The following ASAP1 variants were observed in gnomAD, a reference collection of about 807,000 sequenced individuals.
ASAP1 encodes the protein ArfGAP with SH3 domain, ankyrin repeat and PH domain 1, also known as arf-GAP with SH3 domain, ANK repeat and PH domain-containing protein 1.
ASAP1 carries 43 observed loss-of-function variants against 145.2 expected under a neutral mutation model. That is an observed-to-expected ratio of 0.30 (90% CI 0.23 to 0.38). The LOEUF (loss-of-function observed/expected upper bound fraction) is 0.38. Ranked by LOEUF, ASAP1 falls within the 10% of genes least tolerant of loss-of-function variation. The pLI, the probability that ASAP1 is intolerant of heterozygous loss-of-function variation, is 1.00. For missense variants in ASAP1, 1,018 were observed against 1,355.3 expected, an observed-to-expected ratio of 0.75 and a Z score of 3.91; for synonymous variants, 546 against 515.5, an observed-to-expected ratio of 1.06 and a Z score of -0.80.
At position 130,293,407 on chromosome 8, in the gene ASAP1, A is replaced by G. The variant is rs148482521; in HGVS notation, c.187-56413T>C. On this transcript the variant is annotated intron_variant, in intron 3 of 29. Coordinates refer to ENST00000518721, the MANE Select transcript of ASAP1 (RefSeq NM_018482.4). Reference sequence around the variant, plus strand: ...GCATTTTAATTTCTGGCTCTTTTCTAACTTCCAACATCCATCGCTCATGCC... The same window carrying G: ...GCATTTTAATTTCTGGCTCTTTTCTGACTTCCAACATCCATCGCTCATGCC... Among the ~76,000 whole-genome samples the G allele has an allele frequency of 4.9e-3, 752 of 152,292 alleles. 4 individuals carry two copies. The highest frequency in any genetic ancestry group is 0.012 in the South Asian group (60 of 4,830).
rs1416900223 is a variant in ASAP1, at chr8:130,227,577, A to T, written c.259+9345T>A. Among the ~76,000 whole-genome samples, 4 of 151,952 alleles carry T rather than the reference A, an allele frequency of 2.6e-5. No homozygotes were observed. The East Asian group carries it at 5.8e-4, about 22-fold the overall frequency. ...ACCTGGACTCTCCAAACTATTTTTA[A>T]TCATCAATCCGTGTCAGTAAAACAT... On this transcript the variant is annotated intron_variant, in intron 4 of 29. Transcript: ENST00000518721.
chr8:130,276,718 A>ACTCTCTCTCT (rs1820909354), intron 3 of ASAP1, among the ~76,000 whole-genome samples: 38 of 126,224 alleles, frequency 3.0e-4, no homozygotes, highest in African/African-American at 1.1e-3. Flanking sequence ...ACACACACAC[A>ACTCTCTCTCT]CACACACACA....
At chr8:130,187,197 TA>T in intron 7 of ASAP1, 38 bp downstream of exon 7, 1 of 1,562,784 alleles carries the variant, frequency 6.4e-7, no homozygotes, top group South Asian at 1.2e-5. Flanking sequence ...ACAACAATAT[TA>T]AAAAACAAAC....
intron 3 of ASAP1, among the ~76,000 whole-genome samples, chr8:130,334,584 T>C (rs1255267850): frequency 6.6e-6 from 1 of 152,240 alleles, no homozygotes; most frequent in East Asian, 1.9e-4. Context: ...GCTTAAAGCT[T>C]GCTTCTAGCT....
intron 11 of ASAP1, chr8:130,163,017 G>T: frequency 5.9e-6 from 1 of 169,122 alleles, no homozygotes. Flanking sequence ...GTTTTCAAAT[G>T]GGCCTAACAC....
chr8:130,130,480 G>T (rs2097581316), intron 15 of ASAP1, among the ~76,000 whole-genome samples: 1 of 152,174 alleles, frequency 6.6e-6, no homozygotes, highest in African/African-American at 2.4e-5. Flanking sequence ...TTGGTGGAAT[G>T]AAATGGCTAA....
At chr8:130,374,589 C>G (rs1827390485) in intron 2 of ASAP1, among the ~76,000 whole-genome samples, 2 of 152,258 alleles carry the variant, frequency 1.3e-5, no homozygotes, top group Admixed American at 1.3e-4. Context: ...TGCTTTTTAA[C>G]AAGCTTACAT....
intron 27 of ASAP1, among the ~76,000 whole-genome samples, chr8:130,062,928 G>C (rs573039839): frequency 6.0e-4 from 92 of 152,188 alleles, no homozygotes; most frequent in African/African-American, 1.9e-3. Flanking sequence ...AACTATGACG[G>C]TGCCATTGCA....
At chr8:130,074,704 G>A (rs2097458390) in intron 27 of ASAP1, among the ~76,000 whole-genome samples, 1 of 152,186 alleles carries the variant, frequency 6.6e-6, no homozygotes, top group African/African-American at 2.4e-5. Context: ...GGTAGTAGGG[G>A]TGGACTCCTG....
chr8:130,218,137 G>A (rs1014707986), intron 4 of ASAP1, among the ~76,000 whole-genome samples: 2 of 151,820 alleles, frequency 1.3e-5, no homozygotes, highest in Non-Finnish European at 2.9e-5. Flanking sequence ...CTCATGTGCT[G>A]GAGCTACTCC....
At chr8:130,153,933 C>G (rs571979547) in intron 12 of ASAP1, among the ~76,000 whole-genome samples, 86 of 152,178 alleles carry the variant, frequency 5.7e-4, no homozygotes, top group South Asian at 1.7e-3. Flanking sequence ...GTGGCTCATG[C>G]CCGTAATCCC....
At chr8:130,235,257 A>G (rs1365182) in intron 4 of ASAP1, among the ~76,000 whole-genome samples, 3,110 of 152,218 alleles carry the variant, frequency 0.02, 105 homozygotes, top group African/African-American at 0.069. Flanking sequence ...CTTCCAAATC[A>G]CAATCAAGGC....
At chr8:130,406,485 T>C (rs894077673) in intron 1 of ASAP1, among the ~76,000 whole-genome samples, 2 of 151,824 alleles carry the variant, frequency 1.3e-5, no homozygotes, top group Non-Finnish European at 2.9e-5. Flanking sequence ...CTTTTTTTTT[T>C]TTTTTTGAGA....
intron 3 of ASAP1, among the ~76,000 whole-genome samples, chr8:130,280,088 T>C (rs1307697687): frequency 1.3e-5 from 2 of 152,224 alleles, no homozygotes; most frequent in Non-Finnish European, 2.9e-5. Flanking sequence ...TGTTCTTGAC[T>C]ATTTTGCTGA....
intron 18 of ASAP1, among the ~76,000 whole-genome samples, chr8:130,121,082 A>T (rs144647977): frequency 1.3e-5 from 2 of 152,260 alleles, no homozygotes; most frequent in Non-Finnish European, 2.9e-5. Flanking sequence ...AAAACTGATC[A>T]GCAAATCCTG....
In ASAP1 at chr8:130,116,724, G is replaced by A. The variant is rs1365555616; in HGVS notation, c.2018C>T (p.Ala673Val). 1 of 1,614,058 alleles carries A rather than the reference G, an allele frequency of 6.2e-7. No homozygotes were observed. Among genetic ancestry groups the A allele is most frequent in the Non-Finnish European group, 8.5e-7 (1 of 1,179,978 alleles). The part of the protein sequence containing the change: ...VDIVNQAGET[A>V]LDIAKRLKAT... The stretch of plus-strand genomic sequence containing the variant: ...TTTTAGTCTCTTTGCTATGTCTAGG[G>A]CAGTTTCTCCAGCCTGGTTAACTGA... Residue 673 changes from alanine to valine, a missense_variant, in exon 22 of 30, where the codon GCC becomes GTC. Transcript: ENST00000518721.
intron 13 of ASAP1, among the ~76,000 whole-genome samples, chr8:130,143,138 C>T (rs185733389): frequency 1.1e-3 from 166 of 152,320 alleles, no homozygotes; most frequent in Middle Eastern, 0.01. Context: ...CTGTCTTGAG[C>T]AGCATCTCTT....
rs150379562 is a variant in ASAP1, at chr8:130,401,920, G to C, written c.24C>G (p.Leu8=). MRSSASR[L]SSFSSRDSLW... ...GTGAATCTCTCGACGAAAAACTGGA[G>C]AGCCTGGAGGCTGAAGATCTCATGT... The change falls in exon 2 of 30, where the codon CTC becomes CTG. Residue 8 remains leucine (L), a synonymous_variant. Transcript: ENST00000518721. The C allele has an allele frequency of 1.2e-6, 2 of 1,613,518 alleles. No individual in the cohort carries two copies. Among genetic ancestry groups the C allele is most frequent in the Non-Finnish European group, 1.7e-6 (2 of 1,179,928 alleles).
chr8:130,148,324 T>C (rs1441528904), intron 13 of ASAP1, among the ~76,000 whole-genome samples: 1 of 152,240 alleles, frequency 6.6e-6, no homozygotes, highest in African/African-American at 2.4e-5. Context: ...GGATTTAACC[T>C]CTCTGAGCTT....
Sources: allele counts gnomAD v4.1 joint callset (sites outside exome capture counted in the v4.1 genomes callset), GRCh38; gene constraint gnomAD v4.1.1; transcripts MANE v1.5; gene names NCBI Gene and HGNC (gene_info 2026-07-23, HGNC 2026-07-21).